Variants in SGCE observed in about 807,000 individuals in gnomAD.
SGCE encodes the protein sarcoglycan epsilon.
Under a neutral mutation model 57.8 loss-of-function variants are expected in SGCE, and 26 were observed. That is an observed-to-expected ratio of 0.45 (90% confidence interval 0.33 to 0.62). The LOEUF (loss-of-function observed/expected upper bound fraction) is 0.62. Among genes scored for constraint, SGCE ranks in the 20% least tolerant of loss-of-function variants. SGCE has a pLI of 0.02. For synonymous variants in SGCE, 183 were observed against 189.5 expected (o/e 0.97, Z 0.28); for missense variants, 468 against 548.6 (o/e 0.85, Z 1.47).
At position 94,601,443 on chromosome 7, in the gene SGCE, C is replaced by CAAAAAAAA. The variant is rs71123905; in HGVS notation, c.826-594_826-587dup. ...GTCTTACTTAATTCTATCCCAGTAT[C>CAAAAAAAA]AAAAAAAAAAAAAAAAAAAAAAAAA... On this transcript the variant is annotated intron_variant, in intron 6 of 10. Transcript: ENST00000648936. Among the ~76,000 whole-genome samples, 373 of 89,282 alleles carry CAAAAAAAA rather than the reference C, an allele frequency of 4.2e-3. 46 individuals are homozygous for CAAAAAAAA. The highest frequency in any genetic ancestry group is 9.5e-3 in the East Asian group (23 of 2,410). The allele number at this position is 89,282 out of a possible 152,430, so 58.6% of individuals were successfully genotyped here.
At chr7:94,617,334 GA>G (rs2116869951) in intron 5 of SGCE, 1 of 152,224 alleles carries the variant, frequency 6.6e-6, no homozygotes, top group African/African-American at 2.4e-5. Context: ...CACTACTAAC[GA>G]GAAAAAGTGA....
intron 9 of SGCE, chr7:94,597,543 C>CT (rs1208083312): frequency 6.6e-6 from 1 of 150,578 alleles, no homozygotes; most frequent in Non-Finnish European, 1.5e-5. Context: ...GTGTATGTGT[C>CT]TGTGTGTATG....
In SGCE at chr7:94,587,351, A is replaced by C. The variant is rs921805813; in HGVS notation, c.1297+1338T>G. On this transcript the variant is annotated intron_variant, in intron 10 of 10. Coordinates refer to ENST00000648936, the MANE Select transcript of SGCE (RefSeq NM_003919.3). Reference sequence around the variant, plus strand: ...AAATCTGGATTTTTAAATACTCAAAATAAATATTTACTGTTTTTCTAGAAA... The same window carrying C: ...AAATCTGGATTTTTAAATACTCAAACTAAATATTTACTGTTTTTCTAGAAA... 7.8e-6 allele frequency: 8 copies of C among 1,022,000 alleles called. No homozygotes were observed. In the African/African-American group the frequency reaches 1.2e-4, roughly 15 times the overall value. The allele number at this position is 1,022,000 out of a possible 1,614,324, so 63.3% of individuals were successfully genotyped here.
chr7:94,639,735 T>A lies in SGCE; in HGVS notation c.110-9894A>T, dbSNP rs533576924. Among the ~76,000 whole-genome samples the A allele has an allele frequency of 2.6e-5, 4 of 152,284 alleles. No homozygotes were observed. In the East Asian group the frequency reaches 7.7e-4, roughly 29 times the overall value. On this transcript the variant is annotated intron_variant, in intron 1 of 10. Coordinates refer to ENST00000648936, the MANE Select transcript of SGCE (RefSeq NM_003919.3). ...ATACACATATATACACACACACATATATAATAAATCATACTAATTATACAC... is the reference window on the plus strand; with the variant it reads ...ATACACATATATACACACACACATAAATAATAAATCATACTAATTATACAC...
chr7:94,599,590 G>T, intron 8 of SGCE, 107 bp downstream of exon 8: 1 of 882,348 alleles, frequency 1.1e-6, no homozygotes, highest in Non-Finnish European at 1.9e-6. Flanking sequence ...AATAAACTAT[G>T]AAAGATGACA....
intron 1 of SGCE, among the ~76,000 whole-genome samples, chr7:94,646,470 C>CA (rs1451467529): frequency 6.6e-6 from 1 of 152,164 alleles, no homozygotes; most frequent in Non-Finnish European, 1.5e-5. Flanking sequence ...CTATATATCT[C>CA]AGATGAAACA....
chr7:94,599,123 C>A (rs1454672876), intron 8 of SGCE, 160 bp from the exon 9 acceptor site: 1 of 585,056 alleles, frequency 1.7e-6, no homozygotes, highest in Non-Finnish European at 3.0e-6. Flanking sequence ...GCATACATCT[C>A]ACATACTTTT....
At chr7:94,636,236 T>C (rs569075415) in intron 1 of SGCE, among the ~76,000 whole-genome samples, 1 of 152,344 alleles carries the variant, frequency 6.6e-6, no homozygotes, top group South Asian at 2.1e-4. Flanking sequence ...CCATTGCTAA[T>C]TGGTGATCAA....
intron 6 of SGCE, 31 bp from the exon 7 acceptor site, chr7:94,600,888 A>G (rs367813861): frequency 1.1e-4 from 167 of 1,525,182 alleles, no homozygotes; most frequent in Non-Finnish European, 1.4e-4. Context: ...TACACAACAA[A>G]TTAATCGTTG....
intron 1 of SGCE, among the ~76,000 whole-genome samples, chr7:94,643,138 T>C (rs778510272): frequency 2.0e-5 from 3 of 152,230 alleles, no homozygotes; most frequent in Non-Finnish European, 4.4e-5. Context: ...TTCAGAGTTT[T>C]ATATACAAAA....
At chr7:94,629,516 T>C (rs1233828998) in intron 2 of SGCE, 8 of 507,286 alleles carry the variant, frequency 1.6e-5, no homozygotes, top group Non-Finnish European at 2.5e-5. Flanking sequence ...AGAAATATGC[T>C]TTCCTTAACA....
At position 94,585,194 on chromosome 7, in the gene SGCE, A is replaced by G. The variant is rs558113282; in HGVS notation, c.*305T>C. 169 of 322,868 alleles carry G rather than the reference A, an allele frequency of 5.2e-4. 2 individuals are homozygous for G. Among genetic ancestry groups the G allele is most frequent in the African/African-American group, 3.4e-3 (162 of 47,680 alleles). The allele number at this position is 322,868 out of a possible 1,614,324, so 20.0% of individuals were successfully genotyped here. On this transcript the variant is annotated 3_prime_UTR_variant, in exon 11 of 11. Coordinates refer to ENST00000648936, the MANE Select transcript of SGCE (RefSeq NM_003919.3). The stretch of plus-strand genomic sequence containing the variant: ...AAGATTTCTACTAAATAGGAAGCAA[A>G]TAGTTTACTGAAGTAAATTTCACCA...
chr7:94,601,443 CAAAAAAAAAAAAAAAAAAAAA>C (rs71123905), intron 6 of SGCE, among the ~76,000 whole-genome samples: 2 of 89,332 alleles, frequency 2.2e-5, no homozygotes, highest in Admixed American at 1.1e-4. Flanking sequence ...ATCCCAGTAT[CAAAAAAAAAAAAAAAAAAAAA>C]AAAAAAAAAA....
intron 1 of SGCE, among the ~76,000 whole-genome samples, chr7:94,638,340 T>TG (rs1324357872): frequency 6.6e-6 from 1 of 152,194 alleles, no homozygotes; most frequent in Admixed American, 6.5e-5. Context: ...GAAAGAGATC[T>TG]GGGGGTAGAA....
chr7:94,629,452 T>G, intron 2 of SGCE: 1 of 350,910 alleles, frequency 2.8e-6, no homozygotes, highest in South Asian at 2.8e-5. Flanking sequence ...ATTATTTCCA[T>G]GTGAATATAG....
At chr7:94,630,016 C>G (rs1804435821) in intron 1 of SGCE, 175 bp from the exon 2 acceptor site, 3 of 678,762 alleles carry the variant, frequency 4.4e-6, no homozygotes, top group Non-Finnish European at 7.1e-6. Context: ...GAAGTGATTT[C>G]AGGACAAAAT....
chr7:94,650,219 A>G (rs1807687370), intron 1 of SGCE, among the ~76,000 whole-genome samples: 1 of 152,174 alleles, frequency 6.6e-6, no homozygotes, highest in African/African-American at 2.4e-5. Context: ...GTAACTGTTA[A>G]GTTTTGTAGG....
intron 4 of SGCE, among the ~76,000 whole-genome samples, chr7:94,623,090 G>A (rs897258438): frequency 6.6e-6 from 1 of 152,088 alleles, no homozygotes. Context: ...AAAAGGCTTA[G>A]AGAAATAAGA....
At chr7:94,639,503 A>T in intron 1 of SGCE, 1 of 1,067,028 alleles carries the variant, frequency 9.4e-7, no homozygotes, top group Non-Finnish European at 1.4e-6. Flanking sequence ...ATGATTTTTT[A>T]AAATGACTGT....
Sources: allele counts gnomAD v4.1 joint callset (sites outside exome capture counted in the v4.1 genomes callset), GRCh38; gene constraint gnomAD v4.1.1; transcripts MANE v1.5; gene names NCBI Gene and HGNC (gene_info 2026-07-23, HGNC 2026-07-21).